The following C7orf33 variants were observed in gnomAD, a reference collection of about 807,000 sequenced individuals.
C7orf33 encodes uncharacterized protein C7orf33.
Under a neutral mutation model 13.4 loss-of-function variants are expected in C7orf33, and 15 were observed. The ratio of observed to expected loss-of-function variants is 1.12; its 90% confidence interval spans 0.75 to 1.72. The LOEUF (loss-of-function observed/expected upper bound fraction) is 1.72, where lower values mean the gene tolerates loss of function less well. Ranked by LOEUF, C7orf33 falls within the 40% of genes most tolerant of loss-of-function variation. The pLI is 0.00. For synonymous variants in C7orf33, 73 were observed against 83.2 expected (o/e 0.88, Z 0.67); for missense variants, 187 against 220.3 (o/e 0.85, Z 0.96).
intron 1 of C7orf33, among the ~76,000 whole-genome samples, chr7:148,607,402 CTTAA>C (rs774131590): frequency 1.3e-5 from 2 of 152,106 alleles, no homozygotes; most frequent in African/African-American, 4.8e-5. Flanking sequence ...TCTGTTTCTT[CTTAA>C]TTGTCTTCAG....
chr7:148,614,699 C>A (rs769910059), intron 2 of C7orf33, among the ~76,000 whole-genome samples: 1 of 152,168 alleles, frequency 6.6e-6, no homozygotes, highest in Non-Finnish European at 1.5e-5. Flanking sequence ...TTCGGTCCTA[C>A]GTGAGCCCGT....
At chr7:148,601,659 C>T (rs1796416192) in intron 1 of C7orf33, among the ~76,000 whole-genome samples, 1 of 152,080 alleles carries the variant, frequency 6.6e-6, no homozygotes, top group Non-Finnish European at 1.5e-5. Context: ...TTTTAAGCAA[C>T]CCACTTGTTA....
intron 1 of C7orf33, among the ~76,000 whole-genome samples, chr7:148,594,493 A>T (rs1796306948): frequency 6.6e-6 from 1 of 152,054 alleles, no homozygotes; most frequent in Admixed American, 6.6e-5. Context: ...TTTCTTTATA[A>T]ATTACCCAGC....
At chr7:148,596,947 G>A (rs979278624) in intron 1 of C7orf33, among the ~76,000 whole-genome samples, 10 of 152,118 alleles carry the variant, frequency 6.6e-5, no homozygotes, top group African/African-American at 2.4e-4. Context: ...CTTTCACTTA[G>A]CGATATGCAT....
intron 1 of C7orf33, among the ~76,000 whole-genome samples, chr7:148,597,489 C>T (rs1239079682): frequency 6.6e-6 from 1 of 151,920 alleles, no homozygotes; most frequent in Non-Finnish European, 1.5e-5. Context: ...ACCATATTGG[C>T]CAGGCTGGTC....
At chr7:148,611,430 G>A (rs541174253) in intron 1 of C7orf33, among the ~76,000 whole-genome samples, 1 of 152,306 alleles carries the variant, frequency 6.6e-6, no homozygotes, top group East Asian at 1.9e-4. Context: ...AGAAGAAAAA[G>A]AGGGACGTCT....
At chr7:148,603,126 T>A (rs1796435082) in intron 1 of C7orf33, among the ~76,000 whole-genome samples, 1 of 152,144 alleles carries the variant, frequency 6.6e-6, no homozygotes, top group Non-Finnish European at 1.5e-5. Flanking sequence ...GAGCCCACAC[T>A]GAAGCAGTCA....
At chr7:148,597,598 A>G (rs895087252) in intron 1 of C7orf33, among the ~76,000 whole-genome samples, 1 of 152,120 alleles carries the variant, frequency 6.6e-6, no homozygotes, top group Non-Finnish European at 1.5e-5. Context: ...TATTTTTTAG[A>G]CAAAAGTCAT....
intron 1 of C7orf33, among the ~76,000 whole-genome samples, chr7:148,610,741 A>G (rs1796527920): frequency 6.6e-6 from 1 of 152,058 alleles, no homozygotes; most frequent in Non-Finnish European, 1.5e-5. Context: ...AGTATGGGGG[A>G]CAAGCATTCC....
intron 1 of C7orf33, among the ~76,000 whole-genome samples, chr7:148,612,213 T>TTTA (rs1554449688): frequency 2.0e-5 from 3 of 152,196 alleles, no homozygotes; most frequent in African/African-American, 7.2e-5. Flanking sequence ...ATTTTTTTTT[T>TTTA]AATTTCCATT....
In C7orf33 at chr7:148,598,755, TATATATATAGAG is replaced by T. The variant is rs1175326684; in HGVS notation, c.204+7628_204+7639del. The stretch of plus-strand genomic sequence containing the variant: ...ATATATATATATATATATATATATA[TATATATATAGAG>T]AGAGAGAGAGAGAGAGAGAGAGAGA... On this transcript the variant is annotated intron_variant, in intron 1 of 2. Transcript: ENST00000307003. Among the ~76,000 whole-genome samples the T allele has an allele frequency of 2.7e-3, 141 of 52,354 alleles. 1 individual carries two copies. Among genetic ancestry groups the T allele is most frequent in the Middle Eastern group, 0.01 (1 of 96 alleles). 34.3% of individuals were successfully genotyped at this position (52,354 alleles called of 152,430 possible). A position where few individuals can be genotyped will look rare whatever the true frequency, so the allele number is the denominator to read the frequency against.
chr7:148,615,260 CT>C (rs1796589649), intron 2 of C7orf33, 66 bp from the exon 3 acceptor site: 1 of 1,054,288 alleles, frequency 9.5e-7, no homozygotes, highest in African/African-American at 1.6e-5. Flanking sequence ...TTAAACTGTG[CT>C]ATTGATGTTC....
At chr7:148,592,766 C>T (rs7782172) in intron 1 of C7orf33, among the ~76,000 whole-genome samples, 2 of 152,098 alleles carry the variant, frequency 1.3e-5, no homozygotes, top group African/African-American at 2.4e-5. Context: ...CTGCCTGCCT[C>T]AACCTCCCAA....
Position 148,614,078 on chromosome 7 carries a change from G to C in C7orf33, c.241G>C (p.Glu81Gln), listed in dbSNP as rs1452251659. Residue 81 changes from glutamate to glutamine, a missense_variant, in exon 2 of 3, where the codon GAA becomes CAA. Transcript: ENST00000307003. ...ACACCAAAACATGAACCGGGGGATG[G>C]AATTTATTGCTCCTGTATCAGCTCC... Reference protein sequence around the residue: ...NPHQNMNRGMEFIAPVSAPTK... With the variant: ...NPHQNMNRGMQFIAPVSAPTK... 1.2e-6 allele frequency: 2 copies of C among 1,614,040 alleles called. No individual in the cohort carries two copies. The highest frequency in any genetic ancestry group is 1.7e-6 in the Non-Finnish European group (2 of 1,180,024).
intron 1 of C7orf33, among the ~76,000 whole-genome samples, chr7:148,597,254 CA>C (rs1796351084): frequency 6.6e-6 from 1 of 151,478 alleles, no homozygotes; most frequent in South Asian, 2.1e-4. Context: ...AAAATATTTT[CA>C]AAATGTATTT....
chr7:148,615,338 T>C lies in C7orf33; in HGVS notation c.471T>C (p.His157=), dbSNP rs376586927. ...VTSSYLNVRG[H]EVRKLQNSVE... is the part of the protein sequence containing the mutation. ...TAATCCACATGTAGGTACGTGGGCA[T>C]GAAGTAAGAAAGCTCCAGAATTCTG... The change falls in exon 3 of 3, where the codon CAT becomes CAC. Residue 157 remains histidine, a synonymous_variant. Transcript: ENST00000307003. The C allele has an allele frequency of 1.4e-5, 23 of 1,611,868 alleles. No homozygotes were observed. The highest frequency in any genetic ancestry group is 1.7e-5 in the Non-Finnish European group (20 of 1,178,078).
At chr7:148,598,950 C>T (rs1242228728) in intron 1 of C7orf33, among the ~76,000 whole-genome samples, 1 of 151,866 alleles carries the variant, frequency 6.6e-6, no homozygotes, top group African/African-American at 2.4e-5. Flanking sequence ...GCAACCTCCG[C>T]CTCCCAGGTT....
chr7:148,599,043 A>G (rs2116892273), intron 1 of C7orf33, among the ~76,000 whole-genome samples: 1 of 151,768 alleles, frequency 6.6e-6, no homozygotes, highest in South Asian at 2.1e-4. Context: ...TTGTATTTTT[A>G]GTAGAGATGG....
chr7:148,604,681 A>C (rs1244238429), intron 1 of C7orf33, among the ~76,000 whole-genome samples: 1 of 152,176 alleles, frequency 6.6e-6, no homozygotes, highest in African/African-American at 2.4e-5. Flanking sequence ...GTAACCAAAC[A>C]CTGCCTGTTC....
Sources: gnomAD v4.1 joint callset for allele counts (sites outside exome capture counted in the v4.1 genomes callset) on GRCh38, gnomAD v4.1.1 for gene constraint, MANE v1.5 for transcripts, NCBI Gene and HGNC (gene_info 2026-07-23, HGNC 2026-07-21) for gene names.